The following ANO2 variants were observed in gnomAD, a reference collection of about 807,000 sequenced individuals.
ANO2 encodes anoctamin 2, also known as anoctamin-2.
In ANO2, 101 loss-of-function variants were observed where a neutral mutation model predicts 124.2. That is an observed-to-expected ratio of 0.81 (90% CI 0.69 to 0.96). The LOEUF is 0.96. ANO2 is among the 40% of genes least tolerant of loss of function. The probability of loss-of-function intolerance (pLI) is 0.00; values close to 1 mark genes in which losing one functional copy is unlikely to be tolerated. For missense variants in ANO2, 1,293 were observed against 1,274.5 expected (o/e 1.01, Z -0.22); for synonymous variants, 486 against 482.5 (o/e 1.01, Z -0.09).
At chr12:5,863,394 G>C (rs1955332673) in intron 3 of ANO2, among the ~76,000 whole-genome samples, 2 of 152,198 alleles carry the variant, frequency 1.3e-5, no homozygotes, top group Non-Finnish European at 2.9e-5. Context: ...ATGTAAGATA[G>C]GCCCCGGGAA....
intron 13 of ANO2, 133 bp from the exon 14 acceptor site, chr12:5,732,763 C>A: frequency 1.3e-6 from 2 of 1,562,556 alleles, no homozygotes; most frequent in Admixed American, 1.7e-5. Context: ...TGCCCCACCA[C>A]ACACAATCAC....
rs537935358 is a variant in ANO2 at position 5,921,252 on chromosome 12, G to A, written c.322C>T (p.Arg108Trp). ...TGGGCCAGGTGCACCCCGCGTTTCC[G>A]GTAGTGGTAGGCAAGTACATAGTCG... is the stretch of plus-strand genomic sequence containing the variant. ...KVDYVLAYHY[R>W]KRGVHLAQGF... Residue 108 changes from arginine to tryptophan, a missense_variant, in exon 3 of 25, where the codon CGG becomes TGG. Arg to Trp is a moderately radical substitution (Grantham distance 101). Coordinates refer to ENST00000682330, the MANE Select transcript of ANO2 (RefSeq NM_001364791.2). The A allele has an allele frequency of 2.4e-5, 39 of 1,613,950 alleles. No individual in the cohort carries two copies. The highest frequency in any genetic ancestry group is 7.7e-5 in the South Asian group (7 of 91,064).
chr12:5,871,119 G>A (rs1466747103), intron 3 of ANO2, among the ~76,000 whole-genome samples: 2 of 152,146 alleles, frequency 1.3e-5, no homozygotes, highest in Non-Finnish European at 1.5e-5. Context: ...CCTGGATGCC[G>A]ACTCACAGGA....
intron 19 of ANO2, among the ~76,000 whole-genome samples, chr12:5,603,944 CAAAAAAAAA>C (rs63415160): frequency 1.3e-5 from 1 of 74,142 alleles, no homozygotes; most frequent in Non-Finnish European, 2.3e-5. Flanking sequence ...GATTCCGTCT[CAAAAAAAAA>C]AAAAAAAAAA....
At chr12:5,757,411 C>T (rs1272159257) in intron 10 of ANO2, among the ~76,000 whole-genome samples, 1 of 152,122 alleles carries the variant, frequency 6.6e-6, no homozygotes, top group East Asian at 1.9e-4. Flanking sequence ...ACAATTTCCC[C>T]TTAGATAAAT....
At chr12:5,923,113 T>C (rs74208426) in intron 1 of ANO2, among the ~76,000 whole-genome samples, 105 of 8,478 alleles carry the variant, frequency 0.012, 5 homozygotes, top group Non-Finnish European at 0.038. Context: ...TACACACACA[T>C]GCACGCACAC....
At chr12:5,638,393 T>G (rs1334096467) in intron 15 of ANO2, among the ~76,000 whole-genome samples, 2 of 146,982 alleles carry the variant, frequency 1.4e-5, no homozygotes, top group African/African-American at 2.5e-5. Context: ...CTGCCACCAC[T>G]CCTGGCTAAT....
chr12:5,715,939 T>C (rs1950008629), intron 14 of ANO2, among the ~76,000 whole-genome samples: 1 of 152,178 alleles, frequency 6.6e-6, no homozygotes, highest in Non-Finnish European at 1.5e-5. Flanking sequence ...TGATAAAATA[T>C]TGGGCAACTA....
chr12:5,906,418 T>C (rs1351998481), intron 3 of ANO2, among the ~76,000 whole-genome samples: 3 of 151,556 alleles, frequency 2.0e-5, no homozygotes, highest in Admixed American at 6.6e-5. Context: ...TCCCAGTACT[T>C]TGGGAGATGG....
In ANO2 at chr12:5,717,055, T is replaced by C. The variant is rs1165436172; in HGVS notation, c.1545+15465A>G. ...CAGCTCCCAGATGTGGAATTGACTT[T>C]GGACAATCTGTGGATAAAGAATGAC... is the stretch of plus-strand genomic sequence containing the variant. On this transcript the variant is annotated intron_variant, in intron 14 of 24. Transcript: ENST00000682330. 3.3e-5 allele frequency among the ~76,000 whole-genome samples: 5 copies of C among 152,352 alleles called. 1 individual carries two copies. The highest frequency in any genetic ancestry group is 3.3e-4 in the Admixed American group (5 of 15,300).
chr12:5,941,749 T>C (rs1942903550), intron 1 of ANO2, among the ~76,000 whole-genome samples: 1 of 151,652 alleles, frequency 6.6e-6, no homozygotes. Flanking sequence ...TCTTGAACAC[T>C]ACCAAATTCA....
At chr12:5,803,662 G>T (rs1272691460) in intron 9 of ANO2, among the ~76,000 whole-genome samples, 1 of 152,158 alleles carries the variant, frequency 6.6e-6, no homozygotes, top group Non-Finnish European at 1.5e-5. Context: ...AGCCAGGAGG[G>T]ACCCATCTAC....
intron 20 of ANO2, among the ~76,000 whole-genome samples, chr12:5,582,663 C>G (rs2136850679): frequency 6.6e-6 from 1 of 152,314 alleles, no homozygotes; most frequent in South Asian, 2.1e-4. Flanking sequence ...CACCCATGTT[C>G]TGTGCTAAGG....
intron 3 of ANO2, among the ~76,000 whole-genome samples, chr12:5,880,852 G>GGATGGA (rs1565745364): frequency 8.6e-6 from 1 of 116,926 alleles, no homozygotes; most frequent in African/African-American, 3.3e-5. Context: ...GGGTGGGTGG[G>GGATGGA]TGGATAGATG....
intron 11 of ANO2, among the ~76,000 whole-genome samples, chr12:5,749,844 A>G (rs1951384691): frequency 6.6e-6 from 1 of 152,206 alleles, no homozygotes; most frequent in Non-Finnish European, 1.5e-5. Context: ...ACCATTTTAC[A>G]GCCAAGAATA....
At chr12:5,614,462 T>C (rs1021029116) in intron 17 of ANO2, among the ~76,000 whole-genome samples, 3 of 152,210 alleles carry the variant, frequency 2.0e-5, no homozygotes, top group Admixed American at 6.5e-5. Context: ...ACATGGCAAA[T>C]GATTCCATCA....
intron 19 of ANO2, among the ~76,000 whole-genome samples, chr12:5,603,599 T>A (rs906976225): frequency 1.3e-5 from 2 of 152,240 alleles, no homozygotes; most frequent in Middle Eastern, 3.4e-3. Context: ...TGAAAATGGC[T>A]CATAGAAAGG....
intron 1 of ANO2, among the ~76,000 whole-genome samples, chr12:5,942,501 C>T (rs948900639): frequency 3.9e-5 from 6 of 152,226 alleles, no homozygotes; most frequent in Non-Finnish European, 7.3e-5. Flanking sequence ...AGCCATGTTA[C>T]TTACTGTCTT....
chr12:5,578,790 C>T (rs1202740506), intron 20 of ANO2, among the ~76,000 whole-genome samples: 1 of 152,204 alleles, frequency 6.6e-6, no homozygotes, highest in Non-Finnish European at 1.5e-5. Context: ...GCTTCCTTTA[C>T]CCTTTACTGC....
Sources: allele counts gnomAD v4.1 joint callset (sites outside exome capture counted in the v4.1 genomes callset), GRCh38; gene constraint gnomAD v4.1.1; transcripts MANE v1.5; gene names NCBI Gene and HGNC (gene_info 2026-07-23, HGNC 2026-07-21).